MBTD1: variants seen among roughly 807,000 people sequenced by gnomAD.
MBTD1 encodes the protein mbt domain containing 1.
A neutral mutation model predicts 87.8 loss-of-function variants in MBTD1; 24 were observed. The ratio of observed to expected loss-of-function variants is 0.27; its 90% CI spans 0.20 to 0.38. The LOEUF is 0.38. Among genes scored for constraint, MBTD1 ranks in the 10% least tolerant of loss-of-function variants. MBTD1 has a pLI of 1.00. For synonymous variants in MBTD1, 237 were observed against 248.6 expected (o/e 0.95, Z 0.44); for missense variants, 436 against 760.2 (o/e 0.57, Z 5.02).
chr17:51,194,199 A>G (rs2050952724), intron 13 of MBTD1, among the ~76,000 whole-genome samples: 1 of 152,192 alleles, frequency 6.6e-6, no homozygotes, highest in South Asian at 2.1e-4. Flanking sequence ...CCTTTCTTAG[A>G]GGAACAACTT....
chr17:51,192,127 T>C (rs2050845969), intron 16 of MBTD1, 76 bp downstream of exon 16: 2 of 1,053,266 alleles, frequency 1.9e-6, no homozygotes, highest in Admixed American at 2.1e-5. Flanking sequence ...AGATATATCA[T>C]TTTCTGTCCA....
At chr17:51,219,863 A>C (rs989393728) in intron 4 of MBTD1, among the ~76,000 whole-genome samples, 3 of 152,222 alleles carry the variant, frequency 2.0e-5, no homozygotes, top group Non-Finnish European at 4.4e-5. Flanking sequence ...GCGTTGTCAA[A>C]AAGGTTAGTT....
At chr17:51,215,242 T>C (rs185775969) in intron 6 of MBTD1, among the ~76,000 whole-genome samples, 5 of 152,298 alleles carry the variant, frequency 3.3e-5, no homozygotes, top group Admixed American at 3.3e-4. Context: ...AGCTGCTTGA[T>C]TCCCTGATAG....
At chr17:51,256,096 A>G (rs2055071641) in intron 2 of MBTD1, among the ~76,000 whole-genome samples, 1 of 152,232 alleles carries the variant, frequency 6.6e-6, no homozygotes, top group Non-Finnish European at 1.5e-5. Context: ...GGAATTAAAC[A>G]TAGTGAAAAA....
intron 4 of MBTD1, 28 bp downstream of exon 4, chr17:51,220,302 A>AT (rs575202800): frequency 1.7e-5 from 26 of 1,532,622 alleles, no homozygotes; most frequent in Non-Finnish European, 2.2e-5. Flanking sequence ...AATAATGGAT[A>AT]TAAGTAAGAA....
chr17:51,229,298 GT>G (rs973488424), intron 2 of MBTD1, among the ~76,000 whole-genome samples: 11 of 148,166 alleles, frequency 7.4e-5, no homozygotes, highest in East Asian at 2.0e-4. Context: ...CACAGATACA[GT>G]TTTTTTTTTA....
intron 2 of MBTD1, among the ~76,000 whole-genome samples, chr17:51,257,785 C>G (rs2055178001): frequency 6.6e-6 from 1 of 152,112 alleles, no homozygotes; most frequent in African/African-American, 2.4e-5. Flanking sequence ...TTCTTTTTCA[C>G]AAGCTGAATT....
intron 2 of MBTD1, among the ~76,000 whole-genome samples, chr17:51,248,975 G>A (rs935524900): frequency 6.6e-6 from 1 of 152,094 alleles, no homozygotes. Context: ...CTCTGGCCCC[G>A]CATGGTGGCT....
At chr17:51,258,645 T>C (rs886910942) in intron 2 of MBTD1, among the ~76,000 whole-genome samples, 9 of 152,150 alleles carry the variant, frequency 5.9e-5, no homozygotes, top group African/African-American at 2.2e-4. Context: ...TTCTAACCAC[T>C]TCAGTTTTAG....
At chr17:51,259,286 T>C in intron 1 of MBTD1, 80 bp from the exon 2 acceptor site, 2 of 1,230,146 alleles carry the variant, frequency 1.6e-6, no homozygotes, top group Non-Finnish European at 2.0e-6. Context: ...CTTTTAAATA[T>C]GCAGCCTTGG....
intron 2 of MBTD1, among the ~76,000 whole-genome samples, chr17:51,256,998 A>G (rs902054688): frequency 6.6e-6 from 1 of 152,198 alleles, no homozygotes; most frequent in African/African-American, 2.4e-5. Context: ...TTCACCTTTT[A>G]TTGTGGGTTC....
chr17:51,208,437 A>G (rs1490037667), intron 6 of MBTD1, among the ~76,000 whole-genome samples: 7 of 152,208 alleles, frequency 4.6e-5, no homozygotes, highest in East Asian at 1.9e-4. Flanking sequence ...AGGTTCTGCT[A>G]TCTTTCCCCT....
chr17:51,239,481 T>C (rs1243156845), intron 2 of MBTD1, among the ~76,000 whole-genome samples: 1 of 152,152 alleles, frequency 6.6e-6, no homozygotes, highest in Non-Finnish European at 1.5e-5. Flanking sequence ...TTCTCCCAAT[T>C]ATTCCTCTCT....
intron 2 of MBTD1, among the ~76,000 whole-genome samples, chr17:51,245,054 C>A (rs1238980623): frequency 1.3e-5 from 2 of 152,130 alleles, no homozygotes; most frequent in African/African-American, 2.4e-5. Flanking sequence ...GCGTGTGCCA[C>A]CACGCCCGGC....
chr17:51,203,258 T>G, intron 8 of MBTD1, 30 bp from the exon 9 acceptor site: 1 of 1,190,774 alleles, frequency 8.4e-7, no homozygotes, highest in Non-Finnish European at 1.2e-6. Flanking sequence ...CAGTTATACT[T>G]TAGCAAAAAA....
In MBTD1 at chr17:51,259,193, T is replaced by C. The variant is rs1220906879; in HGVS notation, c.-99A>G. ...GACGGCTGCTTTGGATGACCTCTAA[T>C]GTCTCTTCCGACTCTGAAATGTTAG... On this transcript the variant is annotated 5_prime_UTR_variant, in exon 2 of 17. Transcript: ENST00000586178. 2.6e-6 allele frequency: 3 copies of C among 1,158,448 alleles called. No homozygotes were observed. The highest frequency in any genetic ancestry group is 3.3e-6 in the Non-Finnish European group (3 of 920,874). The allele number at this position is 1,158,448 out of a possible 1,614,324, so 71.8% of individuals were successfully genotyped here.
chr17:51,202,895 C>T lies in MBTD1; in HGVS notation c.869G>A (p.Arg290Lys). Reference sequence around the variant, plus strand: ...ATGCCTCTTGTCAACCACTTCTACTCTCATGCAAGGTTTGAAAGGATACTG... The same window carrying T: ...ATGCCTCTTGTCAACCACTTCTACTTTCATGCAAGGTTTGAAAGGATACTG... ...SMQYPFKPCM[R>K]VEVVDKRHLC... The change falls in exon 10 of 17, where the codon AGA becomes AAA. Residue 290 changes from arginine (R) to lysine (K), a missense_variant. Physicochemically the swap from Arg to Lys is conservative, Grantham distance 26 (BLOSUM62 2). Transcript: ENST00000586178. 2 of 1,614,130 alleles carry T rather than the reference C, an allele frequency of 1.2e-6. No individual in the cohort carries two copies. Among genetic ancestry groups the T allele is most frequent in the African/African-American group, 1.3e-5 (1 of 75,038 alleles).
chr17:51,199,064 G>C (rs1370964391), intron 12 of MBTD1, among the ~76,000 whole-genome samples: 1 of 151,716 alleles, frequency 6.6e-6, no homozygotes, highest in Admixed American at 6.6e-5. Context: ...CCAAAGTGCT[G>C]GGATTACAGG....
chr17:51,221,345 T>C (rs1232367728), intron 3 of MBTD1, among the ~76,000 whole-genome samples: 1 of 152,102 alleles, frequency 6.6e-6, no homozygotes, highest in Non-Finnish European at 1.5e-5. Context: ...CAAAACAAGT[T>C]TGACGTAGGT....
Sources: gnomAD v4.1 joint callset for allele counts (sites outside exome capture counted in the v4.1 genomes callset) on GRCh38, gnomAD v4.1.1 for gene constraint, MANE v1.5 for transcripts, NCBI Gene and HGNC (gene_info 2026-07-23, HGNC 2026-07-21) for gene names.